WAC: variants seen among roughly 807,000 people sequenced by gnomAD.
WAC encodes WW domain-containing adapter protein with coiled-coil.
In WAC, 11 loss-of-function variants were observed where a neutral mutation model predicts 79.6. That is an observed-to-expected ratio of 0.14 (90% CI 0.09 to 0.23). WAC has a LOEUF of 0.23. Among genes scored for constraint, WAC ranks in the 10% least tolerant of loss-of-function variants. WAC has a pLI of 1.00. For synonymous variants in WAC, 304 were observed against 276.9 expected (o/e 1.10, Z -0.97); for missense variants, 728 against 773.5 (o/e 0.94, Z 0.70).
At chr10:28,552,483 A>G (rs1321772163) in intron 3 of WAC, among the ~76,000 whole-genome samples, 1 of 152,066 alleles carries the variant, frequency 6.6e-6, no homozygotes, top group Non-Finnish European at 1.5e-5. Context: ...GCAAGGAAGC[A>G]TATAGAGGGC....
chr10:28,558,945 G>A (rs1476518376), intron 3 of WAC, among the ~76,000 whole-genome samples: 1 of 152,122 alleles, frequency 6.6e-6, no homozygotes, highest in African/African-American at 2.4e-5. Flanking sequence ...TAGTTCATTT[G>A]GTGCAAATCA....
At chr10:28,589,347 C>T (rs554599980) in intron 4 of WAC, 1 of 157,634 alleles carries the variant, frequency 6.3e-6, no homozygotes, top group East Asian at 1.9e-4. Context: ...TAGTATTGTG[C>T]CTTAGAATTT....
chr10:28,545,639 G>T (rs1251266634), intron 3 of WAC, among the ~76,000 whole-genome samples: 4 of 152,182 alleles, frequency 2.6e-5, no homozygotes, highest in African/African-American at 7.2e-5. Context: ...TATTAGAGTG[G>T]TTATTTGGCA....
At chr10:28,593,890 CCTTA>C (rs1174657201) in intron 6 of WAC, among the ~76,000 whole-genome samples, 2 of 151,930 alleles carry the variant, frequency 1.3e-5, no homozygotes, top group African/African-American at 4.8e-5. Context: ...TTTAGAGAAA[CCTTA>C]CTTAGGGTTT....
Position 28,599,221 on chromosome 10 carries a change from A to G in WAC, c.919+3180A>G, listed in dbSNP as rs78706162. ...CTTGTTTAGGTTTTTCTTAACAACT[A>G]AATAATTTATATTAAGCGCTGATGG... On this transcript the variant is annotated intron_variant, in intron 7 of 13. Transcript: ENST00000354911. 8.3e-3 allele frequency among the ~76,000 whole-genome samples: 1,261 copies of G among 152,306 alleles called. 8 individuals carry two copies. The highest frequency in any genetic ancestry group is 0.031 in the Middle Eastern group (9 of 294).
chr10:28,559,881 C>A (rs1285967212), intron 3 of WAC, among the ~76,000 whole-genome samples: 2 of 152,172 alleles, frequency 1.3e-5, no homozygotes, highest in Non-Finnish European at 2.9e-5. Context: ...ATAGATGTTT[C>A]TTTTCTTTCT....
At chr10:28,587,766 G>C (rs1327581882) in intron 4 of WAC, among the ~76,000 whole-genome samples, 2 of 152,162 alleles carry the variant, frequency 1.3e-5, no homozygotes, top group African/African-American at 4.8e-5. Context: ...CTCTACCCTG[G>C]AATTCTGTTA....
At chr10:28,616,020 TATTA>T in intron 11 of WAC, 149 bp from the exon 12 acceptor site, 1 of 592,606 alleles carries the variant, frequency 1.7e-6, no homozygotes. Context: ...TACTTTGGAT[TATTA>T]ATTCTCTTTA....
At chr10:28,550,270 CACTT>C (rs1408507676) in intron 3 of WAC, among the ~76,000 whole-genome samples, 6 of 151,090 alleles carry the variant, frequency 4.0e-5, no homozygotes, top group Non-Finnish European at 7.4e-5. Flanking sequence ...CATGTAAAAG[CACTT>C]ACCCAGTCCT....
chr10:28,534,142 C>T, intron 2 of WAC, 108 bp downstream of exon 2: 1 of 1,108,858 alleles, frequency 9.0e-7, no homozygotes. Flanking sequence ...TTCGGTGCAA[C>T]ACATCTGAAA....
chr10:28,618,506 T>C (rs185007914), intron 13 of WAC, among the ~76,000 whole-genome samples: 12 of 152,268 alleles, frequency 7.9e-5, no homozygotes, highest in Admixed American at 7.2e-4. Context: ...TGGGTTCTTA[T>C]AGTCAGATTG....
chr10:28,596,156 CT>C (rs1840353031), intron 7 of WAC, 115 bp downstream of exon 7: 2 of 1,153,378 alleles, frequency 1.7e-6, no homozygotes, highest in Non-Finnish European at 2.4e-6. Flanking sequence ...TTAAAAAAGT[CT>C]TTTAGAATGT....
At chr10:28,544,966 G>A (rs1423551361) in intron 3 of WAC, among the ~76,000 whole-genome samples, 4 of 149,920 alleles carry the variant, frequency 2.7e-5, no homozygotes, top group Admixed American at 1.3e-4. Context: ...TCGAGAGGCC[G>A]AAGCAGGAGA....
At chr10:28,580,302 T>C (rs1432061202) in intron 3 of WAC, among the ~76,000 whole-genome samples, 3 of 152,232 alleles carry the variant, frequency 2.0e-5, no homozygotes, top group Non-Finnish European at 4.4e-5. Flanking sequence ...TATAATTAAT[T>C]GGAATGCTTG....
intron 3 of WAC, among the ~76,000 whole-genome samples, chr10:28,548,774 T>C (rs1428415847): frequency 6.6e-6 from 1 of 152,192 alleles, no homozygotes; most frequent in African/African-American, 2.4e-5. Context: ...ATAGAATATA[T>C]GGTTGAAAAT....
At chr10:28,610,034 C>T (rs1459326822) in intron 8 of WAC, among the ~76,000 whole-genome samples, 5 of 148,104 alleles carry the variant, frequency 3.4e-5, no homozygotes, top group Non-Finnish European at 7.4e-5. Context: ...CAGGTTCAAG[C>T]GATTCTCCTG....
Position 28,565,741 on chromosome 10 carries a change from T to G in WAC, c.275-17658T>G, listed in dbSNP as rs1281391230. On this transcript the variant is annotated intron_variant, in intron 3 of 13. Coordinates refer to ENST00000354911, the MANE Select transcript of WAC (RefSeq NM_016628.5). ...TTAAATGTACCAAATTAGCTTTTCATTTTGCTCATAAAATAACACAAGCAG... is the reference window on the plus strand; with the variant it reads ...TTAAATGTACCAAATTAGCTTTTCAGTTTGCTCATAAAATAACACAAGCAG... Among the ~76,000 whole-genome samples, 7 of 152,348 alleles carry G rather than the reference T, an allele frequency of 4.6e-5. No individual in the cohort carries two copies. In the East Asian group the frequency reaches 1.3e-3, roughly 29 times the overall value.
intron 3 of WAC, among the ~76,000 whole-genome samples, chr10:28,569,741 A>G (rs1838845351): frequency 6.6e-6 from 1 of 152,234 alleles, no homozygotes; most frequent in South Asian, 2.1e-4. Flanking sequence ...AGATGTTGTC[A>G]TACATATGGT....
intron 3 of WAC, among the ~76,000 whole-genome samples, chr10:28,575,496 T>G (rs946143253): frequency 3.3e-5 from 5 of 152,250 alleles, no homozygotes; most frequent in Non-Finnish European, 7.3e-5. Context: ...CAACACTTGT[T>G]TTTGCCTGTC....
Sources: gnomAD v4.1 joint callset for allele counts (sites outside exome capture counted in the v4.1 genomes callset) on GRCh38, gnomAD v4.1.1 for gene constraint, MANE v1.5 for transcripts, NCBI Gene and HGNC (gene_info 2026-07-23, HGNC 2026-07-21) for gene names.